FHIT: variants seen among roughly 807,000 people sequenced by gnomAD.
FHIT encodes fragile histidine triad diadenosine triphosphatase, also known as bis(5'-adenosyl)-triphosphatase.
Under a neutral mutation model 17.9 loss-of-function variants are expected in FHIT, and 19 were observed. That is an observed-to-expected ratio of 1.06 (90% CI 0.74 to 1.56). The LOEUF (loss-of-function observed/expected upper bound fraction) is 1.56. Among genes scored for constraint, FHIT ranks in the 40% most tolerant of loss-of-function variants. FHIT has a pLI of 0.00. For synonymous variants in FHIT, 81 were observed against 69.7 expected (o/e 1.16, Z -0.81); for missense variants, 248 against 189.2 (o/e 1.31, Z -1.82).
chr3:61,090,679 G>T (rs1213312697), intron 2 of FHIT, among the ~76,000 whole-genome samples: 1 of 152,066 alleles, frequency 6.6e-6, no homozygotes, highest in Admixed American at 6.6e-5. Context: ...AAGAGAGAAG[G>T]ATATGAACAA....
intron 4 of FHIT, among the ~76,000 whole-genome samples, chr3:60,725,167 T>C (rs1553709120): frequency 6.6e-6 from 1 of 152,222 alleles, no homozygotes; most frequent in Non-Finnish European, 1.5e-5. Flanking sequence ...AGAATTCTTT[T>C]TATATTCATA....
Position 60,030,269 on chromosome 3 carries a change from T to G in FHIT, c.104-16117A>C, listed in dbSNP as rs1575929157. Reference sequence around the variant, plus strand: ...GATAATGCGCAACAAGCAAAATTCCTGCCAAAATCCTTATTTTGACACAAA... The same window carrying G: ...GATAATGCGCAACAAGCAAAATTCCGGCCAAAATCCTTATTTTGACACAAA... On this transcript the variant is annotated intron_variant, in intron 5 of 9. Transcript: ENST00000492590. 2.0e-5 allele frequency among the ~76,000 whole-genome samples: 3 copies of G among 152,316 alleles called. No homozygotes were observed. In the Middle Eastern group the frequency reaches 0.01, roughly 518 times the overall value.
At chr3:60,495,441 T>C (rs909584209) in intron 5 of FHIT, among the ~76,000 whole-genome samples, 2 of 151,936 alleles carry the variant, frequency 1.3e-5, no homozygotes, top group African/African-American at 4.8e-5. Flanking sequence ...TTTGTGTTTA[T>C]TGTTTATGAG....
At position 60,117,009 on chromosome 3, in the gene FHIT, T is replaced by C. The variant is rs575133035; in HGVS notation, c.104-102857A>G. Among the ~76,000 whole-genome samples, 6 of 152,242 alleles carry C rather than the reference T, an allele frequency of 3.9e-5. 1 individual carries two copies. The South Asian group carries it at 1.2e-3, about 32-fold the overall frequency. On this transcript the variant is annotated intron_variant, in intron 5 of 9. Coordinates refer to ENST00000492590, the MANE Select transcript of FHIT (RefSeq NM_002012.4). ...CAGGAAATAATTGTTATTAAATACA[T>C]CTTCTAGGGAGATCCACTCTGTCCC...
At chr3:61,017,175 A>G (rs2032159959) in intron 3 of FHIT, among the ~76,000 whole-genome samples, 1 of 152,238 alleles carries the variant, frequency 6.6e-6, no homozygotes, top group South Asian at 2.1e-4. Flanking sequence ...CTGTAATCCC[A>G]GCTACTTGGG....
At chr3:60,371,135 T>C (rs1700309878) in intron 5 of FHIT, among the ~76,000 whole-genome samples, 1 of 152,198 alleles carries the variant, frequency 6.6e-6, no homozygotes, top group Admixed American at 6.5e-5. Context: ...GTTGTTCCAA[T>C]CTGTTTATTT....
At chr3:60,691,343 A>T (rs906700480) in intron 4 of FHIT, among the ~76,000 whole-genome samples, 3 of 148,080 alleles carry the variant, frequency 2.0e-5, no homozygotes, top group Admixed American at 6.7e-5. Flanking sequence ...GAAATTATCA[A>T]TTTTTTTCCC....
At chr3:60,170,099 GA>G (rs1273584417) in intron 5 of FHIT, among the ~76,000 whole-genome samples, 2 of 152,080 alleles carry the variant, frequency 1.3e-5, no homozygotes, top group African/African-American at 4.8e-5. Flanking sequence ...TAACTAAACT[GA>G]ATAATCCATT....
At chr3:60,783,668 A>G (rs1393926216) in intron 4 of FHIT, among the ~76,000 whole-genome samples, 1 of 146,806 alleles carries the variant, frequency 6.8e-6, no homozygotes, top group East Asian at 1.9e-4. Flanking sequence ...TGGTTATTTA[A>G]TGATTCATCT....
chr3:59,902,627 A>G (rs1030468244), intron 8 of FHIT, among the ~76,000 whole-genome samples: 1 of 152,214 alleles, frequency 6.6e-6, no homozygotes, highest in African/African-American at 2.4e-5. Context: ...GAAGGAAAGA[A>G]AATCCTGCCA....
intron 4 of FHIT, among the ~76,000 whole-genome samples, chr3:60,608,709 T>G (rs1339772602): frequency 6.6e-6 from 1 of 152,120 alleles, no homozygotes; most frequent in Admixed American, 6.6e-5. Context: ...AGGAATATAT[T>G]TTAGGAATAA....
rs573871232 is a variant in FHIT at position 60,796,457 on chromosome 3, C to T, written c.-18+25462G>A. Among the ~76,000 whole-genome samples the T allele has an allele frequency of 4.6e-5, 7 of 152,054 alleles. No homozygotes were observed. The South Asian group carries it at 8.3e-4, about 18-fold the overall frequency. On this transcript the variant is annotated intron_variant, in intron 4 of 9. Coordinates refer to ENST00000492590, the MANE Select transcript of FHIT (RefSeq NM_002012.4). ...AAGGCTGTATACATTTTCTTCTAAG[C>T]GAGGCTTTAGCTGTAGCCCATAGCT...
intron 5 of FHIT, among the ~76,000 whole-genome samples, chr3:60,136,123 G>A (rs1175928449): frequency 6.6e-6 from 1 of 152,094 alleles, no homozygotes; most frequent in Admixed American, 6.6e-5. Context: ...TAGTCAGCAT[G>A]GGATATATAT....
intron 4 of FHIT, among the ~76,000 whole-genome samples, chr3:60,592,840 A>G (rs1553664879): frequency 6.6e-6 from 1 of 152,116 alleles, no homozygotes; most frequent in Non-Finnish European, 1.5e-5. Context: ...GGAGAGAGTG[A>G]GTAGAGCCTC....
At chr3:60,944,334 CT>C (rs10625111) in intron 3 of FHIT, among the ~76,000 whole-genome samples, 6 of 150,206 alleles carry the variant, frequency 4.0e-5, no homozygotes, top group Middle Eastern at 3.2e-3. Flanking sequence ...CTGAGTTTGT[CT>C]TTTTTTTTTC....
At chr3:60,688,550 G>A (rs2040913508) in intron 4 of FHIT, among the ~76,000 whole-genome samples, 1 of 151,634 alleles carries the variant, frequency 6.6e-6, no homozygotes, top group Non-Finnish European at 1.5e-5. Context: ...TCCCGCCTCA[G>A]CCTCTTGAGT....
At chr3:60,743,442 C>A (rs1047241800) in intron 4 of FHIT, among the ~76,000 whole-genome samples, 2 of 152,186 alleles carry the variant, frequency 1.3e-5, no homozygotes, top group African/African-American at 4.8e-5. Context: ...AAGATCAACA[C>A]AATCTGCACC....
chr3:59,873,632 G>A (rs1485018333), intron 8 of FHIT, among the ~76,000 whole-genome samples: 1 of 152,046 alleles, frequency 6.6e-6, no homozygotes, highest in Admixed American at 6.5e-5. Flanking sequence ...CAGCATCCCT[G>A]GCCTCTACCT....
At position 60,869,493 on chromosome 3, in the gene FHIT, C is replaced by T. The variant is rs144860665; in HGVS notation, c.-110-47482G>A. On this transcript the variant is annotated intron_variant, in intron 3 of 9. Coordinates refer to ENST00000492590, the MANE Select transcript of FHIT (RefSeq NM_002012.4). Reference sequence around the variant, plus strand: ...TGGTTGTCCACAGATCTCAGGTTTACCTGTCATAGTTCTAGCCACATGCAA... The same window carrying T: ...TGGTTGTCCACAGATCTCAGGTTTATCTGTCATAGTTCTAGCCACATGCAA... 1.8e-3 allele frequency among the ~76,000 whole-genome samples: 268 copies of T among 152,280 alleles called. 2 individuals are homozygous for T. The highest frequency in any genetic ancestry group is 6.4e-3 in the African/African-American group (264 of 41,558).
Sources: gnomAD v4.1 joint callset for allele counts (sites outside exome capture counted in the v4.1 genomes callset) on GRCh38, gnomAD v4.1.1 for gene constraint, MANE v1.5 for transcripts, NCBI Gene and HGNC (gene_info 2026-07-23, HGNC 2026-07-21) for gene names.